The following POGLUT3 variants were observed in gnomAD, a reference collection of about 807,000 sequenced individuals.
The protein encoded by POGLUT3 is protein O-glucosyltransferase 3.
POGLUT3 carries 48 observed loss-of-function variants against 54.3 expected under a neutral mutation model. The ratio of observed to expected loss-of-function variants is 0.88; its 90% CI spans 0.70 to 1.12. The LOEUF is 1.12. Among genes scored for constraint, POGLUT3 ranks in the 50% most tolerant of loss-of-function variants. POGLUT3 has a pLI of 0.00. For missense variants in POGLUT3, 629 were observed against 618.7 expected (o/e 1.02, Z -0.18); for synonymous variants, 218 against 237.4 (o/e 0.92, Z 0.75).
chr11:108,486,217 T>C lies in POGLUT3; in HGVS notation c.624A>G (p.Leu208=), dbSNP rs1390632437. 2 of 1,613,944 alleles carry C rather than the reference T, an allele frequency of 1.2e-6. No individual in the cohort carries two copies. Among genetic ancestry groups the C allele is most frequent in the African/African-American group, 1.3e-5 (1 of 75,054 alleles). The change falls in exon 3 of 8, where the codon TTA becomes TTG. Residue 208 remains leucine, a synonymous_variant. Transcript: ENST00000323468. ...ACATCTTGAAGTCTGTGTATTTCCC[T>C]AAAGATCTCCGGTAAACATGGTTAT... is the stretch of plus-strand genomic sequence containing the variant. ...ILNNHVYRRS[L]GKYTDFKMFS...
intron 5 of POGLUT3, 63 bp from the exon 6 acceptor site, chr11:108,479,558 C>CTGT (rs2093588861): frequency 8.1e-7 from 1 of 1,238,882 alleles, no homozygotes; most frequent in Non-Finnish European, 1.1e-6. Context: ...TTCTGCTCCT[C>CTGT]ATCAACACTG....
At chr11:108,476,234 A>T (rs2093581526) in intron 7 of POGLUT3, among the ~76,000 whole-genome samples, 1 of 152,144 alleles carries the variant, frequency 6.6e-6, no homozygotes, top group Admixed American at 6.5e-5. Flanking sequence ...CCCAGGTTCA[A>T]GCGATTCTCC....
chr11:108,481,169 C>A lies in POGLUT3; in HGVS notation c.1098+11G>T, dbSNP rs776664495. 2 of 1,588,580 alleles carry A rather than the reference C, an allele frequency of 1.3e-6. No homozygotes were observed. The highest frequency in any genetic ancestry group is 8.5e-7 in the Non-Finnish European group (1 of 1,170,464). ...CGCTTCATATCCATAGAAGAAGACT[C>A]AAATGCATACCTTAAAGAAATCAAA... is the stretch of plus-strand genomic sequence containing the variant. On this transcript the variant is annotated intron_variant, in intron 5 of 7. Transcript: ENST00000323468.
rs1299703911 is a variant in POGLUT3, at chr11:108,472,853, G to A, written c.*1974C>T. 6.6e-6 allele frequency: 1 copy of A among 152,106 alleles called. No individual in the cohort carries two copies. The highest frequency in any genetic ancestry group is 2.1e-4 in the South Asian group (1 of 4,826). 9.4% of individuals were successfully genotyped at this position (152,106 alleles called of 1,614,324 possible). On this transcript the variant is annotated 3_prime_UTR_variant, in exon 8 of 8. Transcript: ENST00000323468. ...CAGCTTGCTCTTATTTAATACTTGC[G>A]TGCTTGTGGTTTTGCACAATGGATG...
At position 108,484,424 on chromosome 11, in the gene POGLUT3, T is replaced by C. The variant is rs11212670; in HGVS notation, c.684+1733A>G. Among the ~76,000 whole-genome samples the C allele has an allele frequency of 6.1e-3, 924 of 152,262 alleles. 6 individuals are homozygous for C. The highest frequency in any genetic ancestry group is 0.01 in the East Asian group (52 of 5,186). ...ACTGACTGCAGCCACACAGTCAGCA[T>C]ACTTGGGGAATTGTATAACATATCA... On this transcript the variant is annotated intron_variant, in intron 3 of 7. Transcript: ENST00000323468.
intron 3 of POGLUT3, among the ~76,000 whole-genome samples, chr11:108,482,564 T>C (rs1056485502): frequency 1.3e-4 from 20 of 152,118 alleles, no homozygotes; most frequent in Admixed American, 5.2e-4. Flanking sequence ...CTGGCCAACA[T>C]GGTGAAACCC....
chr11:108,486,531 T>C (rs2093603797), intron 2 of POGLUT3, 91 bp from the exon 3 acceptor site: 2 of 1,306,396 alleles, frequency 1.5e-6, no homozygotes, highest in Non-Finnish European at 2.1e-6. Flanking sequence ...TGGTGAATTC[T>C]AAGATTATCC....
Position 108,475,464 on chromosome 11 carries a change from T to TA in POGLUT3, c.1399-513_1399-512insT, listed in dbSNP as rs1281712658. Reference sequence around the variant, plus strand: ...ATTTCTATAAATGGAGTTTTTTTTGTTTTTGTTTTTTTTTTTTTTTGAGAC... The same window carrying TA: ...ATTTCTATAAATGGAGTTTTTTTTGTATTTTGTTTTTTTTTTTTTTTGAGAC... On this transcript the variant is annotated intron_variant, in intron 7 of 7. Coordinates refer to ENST00000323468, the MANE Select transcript of POGLUT3 (RefSeq NM_153705.5). Among the ~76,000 whole-genome samples, 5 of 48,610 alleles carry TA rather than the reference T, an allele frequency of 1.0e-4. 1 individual carries two copies. In the South Asian group the frequency reaches 4.9e-3, roughly 47 times the overall value. 31.9% of individuals were successfully genotyped at this position (48,610 alleles called of 152,430 possible).
intron 7 of POGLUT3, among the ~76,000 whole-genome samples, chr11:108,475,655 G>C (rs2093580366): frequency 1.3e-5 from 2 of 151,478 alleles, no homozygotes; most frequent in South Asian, 2.1e-4. Context: ...TTTTTGTAGA[G>C]ATGGCGTTTC....
chr11:108,498,198 A>C lies in POGLUT3; in HGVS notation c.169T>G (p.Ser57Ala), dbSNP rs2093625870. 2.6e-6 allele frequency: 4 copies of C among 1,521,304 alleles called. No homozygotes were observed. In the South Asian group the frequency reaches 3.7e-5, roughly 14 times the overall value. 94.2% of individuals were successfully genotyped at this position (1,521,304 alleles called of 1,614,324 possible). A position where few individuals can be genotyped will look rare whatever the true frequency, so the allele number is the denominator to read the frequency against. Residue 57 changes from serine to alanine, a missense_variant, in exon 1 of 8, where the codon TCG becomes GCG. Physicochemically the swap from Ser to Ala is moderately conservative, Grantham distance 99. Transcript: ENST00000323468. ...VRYFYLQAVN[S>A]EGQNLTRSPA... ...GAGCGAGTGAGGTTCTGGCCCTCCG[A>C]GTTGACCGCCTGCAGGTAGAAATAG...
chr11:108,479,702 T>C (rs1591640078), intron 5 of POGLUT3, among the ~76,000 whole-genome samples: 1 of 152,298 alleles, frequency 6.6e-6, no homozygotes, highest in Non-Finnish European at 1.5e-5. Context: ...AAGAAATACA[T>C]TGTTTAAAGG....
rs2093570587 is a variant in POGLUT3 at position 108,472,320 on chromosome 11, A to T, written c.*2507T>A. 1.3e-5 allele frequency: 2 copies of T among 152,180 alleles called. No homozygotes were observed. The highest frequency in any genetic ancestry group is 4.8e-5 in the African/African-American group (2 of 41,436). The allele number at this position is 152,180 out of a possible 1,614,324, so 9.4% of individuals were successfully genotyped here. On this transcript the variant is annotated 3_prime_UTR_variant, in exon 8 of 8. Coordinates refer to ENST00000323468, the MANE Select transcript of POGLUT3 (RefSeq NM_153705.5). ...GCAATTTGATCCATACTTACAGTAA[A>T]AAAAAATCTAAATATTATAGAAAGG... is the stretch of plus-strand genomic sequence containing the variant.
chr11:108,486,104 A>C, intron 3 of POGLUT3, 53 bp downstream of exon 3: 1 of 1,366,794 alleles, frequency 7.3e-7, no homozygotes, highest in East Asian at 2.3e-5. Context: ...CTAAACATTT[A>C]AATGTTATAC....
In POGLUT3 at chr11:108,497,736, G is replaced by A. The variant is rs117257635; in HGVS notation, c.202+429C>T. ...TGACATTTCCTCTGCGTAGGATTTC[G>A]TTGCTCCAAACCCACCAGGCCTAAG... On this transcript the variant is annotated intron_variant, in intron 1 of 7. Transcript: ENST00000323468. Among the ~76,000 whole-genome samples the A allele has an allele frequency of 3.2e-3, 492 of 152,220 alleles. 3 individuals carry two copies. Among genetic ancestry groups the A allele is most frequent in the Non-Finnish European group, 5.1e-3 (348 of 68,018 alleles).
At chr11:108,497,121 A>T (rs528462543) in intron 1 of POGLUT3, among the ~76,000 whole-genome samples, 1 of 152,256 alleles carries the variant, frequency 6.6e-6, no homozygotes, top group Non-Finnish European at 1.5e-5. Flanking sequence ...GTCTTTGACC[A>T]ACAGACTGTA....
At chr11:108,493,803 C>CAAAAAAAA (rs11351337) in intron 1 of POGLUT3, among the ~76,000 whole-genome samples, 2 of 82,068 alleles carry the variant, frequency 2.4e-5, no homozygotes, top group Non-Finnish European at 2.4e-5. Context: ...GACTCTGTCT[C>CAAAAAAAA]AAAAAAAAAA....
Position 108,498,362 on chromosome 11 carries a change from C to A in POGLUT3, c.5G>T (p.Arg2Leu). The A allele has an allele frequency of 7.6e-7, 1 of 1,312,946 alleles. No homozygotes were observed. The highest frequency in any genetic ancestry group is 9.7e-7 in the Non-Finnish European group (1 of 1,034,252). 81.3% of individuals were successfully genotyped at this position (1,312,946 alleles called of 1,614,324 possible). A position where few individuals can be genotyped will look rare whatever the true frequency, so the allele number is the denominator to read the frequency against. The change falls in exon 1 of 8, where the codon CGC (arginine) becomes CTC (leucine). Residue 2 changes from arginine to leucine, a missense_variant. Physicochemically the swap from Arg to Leu is moderately radical, Grantham distance 102. Transcript: ENST00000323468. ...CAGCAGCAGGGCCCGCGGGAGGCGG[C>A]GCATGGTCGGCGGGGCACAACTGCG... is the stretch of plus-strand genomic sequence containing the variant. M[R>L]RLPRALLLQL... is the part of the protein sequence containing the mutation.
chr11:108,486,606 T>C, intron 2 of POGLUT3, 166 bp from the exon 3 acceptor site: 1 of 676,806 alleles, frequency 1.5e-6, no homozygotes, highest in South Asian at 2.1e-5. Flanking sequence ...ACACTTTTAC[T>C]TTCCTTTTCA....
intron 6 of POGLUT3, 178 bp from the exon 7 acceptor site, chr11:108,477,889 C>A (rs1457947894): frequency 1.7e-6 from 1 of 597,086 alleles, no homozygotes; most frequent in Non-Finnish European, 3.0e-6. Context: ...TGGCTCACAC[C>A]TGTAATCCCA....
Sources: gnomAD v4.1 joint callset for allele counts (sites outside exome capture counted in the v4.1 genomes callset) on GRCh38, gnomAD v4.1.1 for gene constraint, MANE v1.5 for transcripts, NCBI Gene and HGNC (gene_info 2026-07-23, HGNC 2026-07-21) for gene names.